ERBB4: variants seen among roughly 807,000 people sequenced by gnomAD.
The protein encoded by ERBB4 is erb-b2 receptor tyrosine kinase 4.
Under a neutral mutation model 158.0 loss-of-function variants are expected in ERBB4, and 42 were observed. That is an observed-to-expected ratio of 0.27 (90% confidence interval 0.21 to 0.34). The LOEUF (loss-of-function observed/expected upper bound fraction) is 0.34. Ranked by LOEUF, ERBB4 falls within the 10% of genes least tolerant of loss-of-function variation. ERBB4 has a pLI of 1.00. For missense variants in ERBB4, 1,333 were observed against 1,624.1 expected, an observed-to-expected ratio of 0.82 and a Z score of 3.08; for synonymous variants, 583 against 558.7, an observed-to-expected ratio of 1.04 and a Z score of -0.61.
intron 20 of ERBB4, among the ~76,000 whole-genome samples, chr2:211,453,541 A>G (rs1394219912): frequency 2.6e-5 from 4 of 152,196 alleles, no homozygotes; most frequent in Admixed American, 2.6e-4. Context: ...TAACATGTAC[A>G]ATGTGCTTTT....
chr2:211,693,747 G>T (rs1329410253), intron 12 of ERBB4, among the ~76,000 whole-genome samples: 1 of 152,104 alleles, frequency 6.6e-6, no homozygotes, highest in Non-Finnish European at 1.5e-5. Flanking sequence ...CATAAACTAG[G>T]CTTCTTAAAA....
chr2:212,125,612 T>G (rs2079899540), intron 1 of ERBB4, among the ~76,000 whole-genome samples: 1 of 152,186 alleles, frequency 6.6e-6, no homozygotes, highest in Non-Finnish European at 1.5e-5. Context: ...GTTTTTCTCC[T>G]CTATGTGTCC....
intron 10 of ERBB4, 74 bp from the exon 11 acceptor site, chr2:211,704,268 T>C (rs2073356108): frequency 8.3e-6 from 8 of 959,366 alleles, no homozygotes; most frequent in South Asian, 2.6e-5. Flanking sequence ...TCTTGAAATA[T>C]GGTGAAAATG....
At chr2:211,523,519 G>A (rs2066246918) in intron 20 of ERBB4, among the ~76,000 whole-genome samples, 1 of 151,712 alleles carries the variant, frequency 6.6e-6, no homozygotes, top group African/African-American at 2.4e-5. Context: ...GTTCGGATGT[G>A]TTCGGAGTTT....
At chr2:212,100,715 G>C (rs1559498204) in intron 2 of ERBB4, among the ~76,000 whole-genome samples, 1 of 152,162 alleles carries the variant, frequency 6.6e-6, no homozygotes, top group Non-Finnish European at 1.5e-5. Flanking sequence ...AGTGACTACT[G>C]GGAGCAGTGG....
At chr2:211,416,929 A>ATACTC (rs1472644370) in intron 25 of ERBB4, among the ~76,000 whole-genome samples, 2 of 151,936 alleles carry the variant, frequency 1.3e-5, no homozygotes, top group African/African-American at 4.8e-5. Flanking sequence ...CTCTGAATAA[A>ATACTC]TACTCTTTGC....
chr2:211,378,267 C>A lies in ERBB4; in HGVS notation c.*5348G>T, dbSNP rs182585348. The A allele has an allele frequency of 8.6e-4, 199 of 232,734 alleles. 1 individual carries two copies. The Admixed American group carries it at 9.6e-3, about 11-fold the overall frequency. 14.4% of individuals were successfully genotyped at this position (232,734 alleles called of 1,614,324 possible). On this transcript the variant is annotated 3_prime_UTR_variant, in exon 28 of 28. Coordinates refer to ENST00000342788, the MANE Select transcript of ERBB4 (RefSeq NM_005235.3). Reference sequence around the variant, plus strand: ...ATTTTCCAGAGGAAGCATGTGAATACCCCCCGTGAAATTGGGGCTTAGAGT... The same window carrying A: ...ATTTTCCAGAGGAAGCATGTGAATAACCCCCGTGAAATTGGGGCTTAGAGT...
rs140842355 is a variant in ERBB4, at chr2:212,418,164, C to T, written c.82+120285G>A. Among the ~76,000 whole-genome samples, 130 of 152,034 alleles carry T rather than the reference C, an allele frequency of 8.6e-4. 1 individual carries two copies. The East Asian group carries it at 0.02, about 23-fold the overall frequency. On this transcript the variant is annotated intron_variant, in intron 1 of 27. Coordinates refer to ENST00000342788, the MANE Select transcript of ERBB4 (RefSeq NM_005235.3). ...CCATTCGGTCTATGGTATTTTGATA[C>T]AGCAGCCTGAGCAGACCAAGACAGT...
chr2:212,081,535 T>G (rs1483103283), intron 2 of ERBB4, among the ~76,000 whole-genome samples: 1 of 152,096 alleles, frequency 6.6e-6, no homozygotes, highest in African/African-American at 2.4e-5. Context: ...TTCTGAGTGG[T>G]GCTAATGTTA....
chr2:211,612,834 A>G lies in ERBB4; in HGVS notation c.2301+6343T>C, dbSNP rs558661506. On this transcript the variant is annotated intron_variant, in intron 19 of 27. Transcript: ENST00000342788. ...ACAAAAGAGTATAAAAAGAAGAGGA[A>G]ATTGTCCAGATGTGTTTTTGGCATA... 1.5e-4 allele frequency among the ~76,000 whole-genome samples: 23 copies of G among 152,148 alleles called. No individual in the cohort carries two copies. The South Asian group carries it at 4.8e-3, about 32-fold the overall frequency.
chr2:211,721,300 A>G (rs2074081607), intron 7 of ERBB4, among the ~76,000 whole-genome samples: 2 of 152,124 alleles, frequency 1.3e-5, no homozygotes, highest in South Asian at 4.1e-4. Context: ...TGTACTTCCT[A>G]CTGTATCACA....
chr2:212,482,697 A>G (rs1267399116), intron 1 of ERBB4, among the ~76,000 whole-genome samples: 1 of 152,086 alleles, frequency 6.6e-6, no homozygotes, highest in Non-Finnish European at 1.5e-5. Flanking sequence ...GCTCACTGCA[A>G]CCTCTATCTC....
intron 1 of ERBB4, among the ~76,000 whole-genome samples, chr2:212,505,716 G>A (rs1055658569): frequency 6.7e-6 from 1 of 148,748 alleles, no homozygotes; most frequent in African/African-American, 2.4e-5. Flanking sequence ...AGTCAGTGTT[G>A]CCTATAATAC....
At chr2:211,950,891 G>C (rs1421676215) in intron 2 of ERBB4, among the ~76,000 whole-genome samples, 1 of 152,118 alleles carries the variant, frequency 6.6e-6, no homozygotes, top group African/African-American at 2.4e-5. Flanking sequence ...TTCAAACACT[G>C]TTCTAATGGT....
chr2:211,679,628 G>T (rs1286266762), intron 12 of ERBB4, among the ~76,000 whole-genome samples: 2 of 151,992 alleles, frequency 1.3e-5, no homozygotes, highest in Admixed American at 6.6e-5. Context: ...GAAAGAAAAA[G>T]AATAATTTAT....
At chr2:211,537,459 A>T (rs1320323078) in intron 20 of ERBB4, among the ~76,000 whole-genome samples, 2 of 151,990 alleles carry the variant, frequency 1.3e-5, no homozygotes, top group Non-Finnish European at 2.9e-5. Flanking sequence ...GAGAATTTGG[A>T]AAGTATTTCT....
At chr2:212,385,207 G>T (rs2090635864) in intron 1 of ERBB4, among the ~76,000 whole-genome samples, 1 of 151,652 alleles carries the variant, frequency 6.6e-6, no homozygotes, top group Non-Finnish European at 1.5e-5. Context: ...TTTTCTGCAA[G>T]ATTTACTTCA....
chr2:211,921,532 A>G (rs1575380444), intron 3 of ERBB4, among the ~76,000 whole-genome samples: 1 of 152,126 alleles, frequency 6.6e-6, no homozygotes, highest in East Asian at 1.9e-4. Context: ...ACAAATTTGC[A>G]TCATATCAGT....
intron 2 of ERBB4, among the ~76,000 whole-genome samples, chr2:211,962,269 T>A (rs905476993): frequency 1.3e-5 from 2 of 152,188 alleles, no homozygotes; most frequent in African/African-American, 2.4e-5. Context: ...CCAATTGATA[T>A]ATGAAATCAG....
Sources: allele counts gnomAD v4.1 joint callset (sites outside exome capture counted in the v4.1 genomes callset), GRCh38; gene constraint gnomAD v4.1.1; transcripts MANE v1.5; gene names NCBI Gene and HGNC (gene_info 2026-07-23, HGNC 2026-07-21).